Variants in PSPH observed in about 807,000 individuals in gnomAD.
The protein encoded by PSPH is phosphoserine phosphatase, also known as L-3-phosphoserine phosphatase.
PSPH carries 16 observed loss-of-function variants against 23.4 expected under a neutral mutation model. The ratio of observed to expected loss-of-function variants is 0.68; its 90% CI spans 0.46 to 1.04. PSPH has a LOEUF of 1.04. PSPH is among the 50% of genes least tolerant of loss of function. The pLI is 0.00. For missense variants in PSPH, 223 were observed against 273.7 expected (o/e 0.81, Z 1.31); for synonymous variants, 68 against 99.7 (o/e 0.68, Z 1.89).
intron 3 of PSPH, 91 bp downstream of exon 3, chr7:56,031,838 T>G (rs963082971): frequency 1.5e-4 from 23 of 153,366 alleles, no homozygotes; most frequent in African/African-American, 5.6e-4. Flanking sequence ...TGCTAGCAGA[T>G]AGACAAACGT....
At chr7:56,013,044 T>C (rs188317434) in intron 7 of PSPH, among the ~76,000 whole-genome samples, 6 of 149,968 alleles carry the variant, frequency 4.0e-5, no homozygotes, top group South Asian at 2.1e-4. Flanking sequence ...TGTATATATA[T>C]ACACACATAT....
In PSPH at chr7:56,033,510, A is replaced by G. The variant is rs1293499821; in HGVS notation, c.-146+451T>C. The G allele has an allele frequency of 4.6e-5, 7 of 150,910 alleles. No homozygotes were observed. The East Asian group carries it at 1.2e-3, about 25-fold the overall frequency. 9.3% of individuals were successfully genotyped at this position (150,910 alleles called of 1,614,324 possible). ...GAGACTCTGTCTGAAAAAAAAAAAA[A>G]TAAATAAAAATAAAAAAAGAAAAGA... On this transcript the variant is annotated intron_variant, in intron 2 of 7. Coordinates refer to ENST00000275605, the MANE Select transcript of PSPH (RefSeq NM_004577.4).
intron 1 of PSPH, among the ~76,000 whole-genome samples, chr7:56,046,357 C>T (rs1385284973): frequency 2.6e-5 from 4 of 151,644 alleles, no homozygotes; most frequent in African/African-American, 9.7e-5. Flanking sequence ...AGGCTGGTCT[C>T]GAACTCCTGA....
chr7:56,042,656 GA>G (rs35744032), intron 1 of PSPH, among the ~76,000 whole-genome samples: 2,140 of 107,182 alleles, frequency 0.02, 24 homozygotes, highest in East Asian at 0.051. Context: ...GTCTCAGAAG[GA>G]AAAAAAAAAA....
At chr7:56,028,895 T>C (rs112316607) in intron 3 of PSPH, among the ~76,000 whole-genome samples, 3 of 152,212 alleles carry the variant, frequency 2.0e-5, no homozygotes, top group African/African-American at 7.2e-5. Flanking sequence ...CTTGGCTCAC[T>C]GCAACCTCCG....
chr7:56,026,952 T>C (rs1164965452), intron 3 of PSPH, among the ~76,000 whole-genome samples: 2 of 152,016 alleles, frequency 1.3e-5, no homozygotes, highest in African/African-American at 2.4e-5. Context: ...ATGCCTGTAA[T>C]CCCAGCACTT....
chr7:56,020,701 C>T (rs761429908), intron 4 of PSPH, among the ~76,000 whole-genome samples: 16 of 146,998 alleles, frequency 1.1e-4, no homozygotes, highest in Non-Finnish European at 2.3e-4. Context: ...AGCTGCAGGG[C>T]GGGAGGGCAG....
chr7:56,024,707 C>T (rs1248999257), intron 3 of PSPH, among the ~76,000 whole-genome samples: 1 of 151,816 alleles, frequency 6.6e-6, no homozygotes, highest in South Asian at 2.1e-4. Flanking sequence ...ATGACCATGA[C>T]ACTGCACTGC....
intron 3 of PSPH, among the ~76,000 whole-genome samples, chr7:56,029,957 C>T (rs558952016): frequency 1.7e-4 from 22 of 130,682 alleles, no homozygotes; most frequent in Middle Eastern, 4.8e-3. Flanking sequence ...CTAGCCTGGG[C>T]GACAGAGCGA....
intron 1 of PSPH, among the ~76,000 whole-genome samples, chr7:56,036,604 G>T (rs1471908876): frequency 1.3e-5 from 2 of 151,296 alleles, no homozygotes; most frequent in African/African-American, 2.4e-5. Flanking sequence ...ACTCCAGTCT[G>T]GGTAACAGAG....
chr7:56,017,539 A>C (rs980307918), intron 5 of PSPH, among the ~76,000 whole-genome samples, 160 bp from the exon 6 acceptor site: 1 of 149,950 alleles, frequency 6.7e-6, no homozygotes, highest in Non-Finnish European at 1.5e-5. Flanking sequence ...TTAATGTTTT[A>C]TATATGTTTT....
At chr7:56,016,003 A>T (rs1788503900) in intron 6 of PSPH, among the ~76,000 whole-genome samples, 1 of 152,096 alleles carries the variant, frequency 6.6e-6, no homozygotes. Context: ...GTCACCCAAG[A>T]GGAAATTCCA....
intron 1 of PSPH, among the ~76,000 whole-genome samples, chr7:56,043,879 A>G (rs1477056242): frequency 6.6e-6 from 1 of 152,136 alleles, no homozygotes; most frequent in Non-Finnish European, 1.5e-5. Context: ...GTTTTAAAAC[A>G]AGCCAAGCCA....
intron 2 of PSPH, among the ~76,000 whole-genome samples, chr7:56,032,539 A>G (rs775768505): frequency 1.5e-4 from 23 of 150,056 alleles, no homozygotes; most frequent in Non-Finnish European, 3.0e-4. Flanking sequence ...GGGCACCTGT[A>G]GTCCCAGCTA....
At chr7:56,039,794 T>TA (rs1792255992) in intron 1 of PSPH, among the ~76,000 whole-genome samples, 9 of 107,538 alleles carry the variant, frequency 8.4e-5, no homozygotes, top group African/African-American at 3.1e-4. Context: ...AAAAAAAAAA[T>TA]TAAAAAAAAA....
rs902497167 is a variant in PSPH, at chr7:56,020,949, T to C, written c.140+124A>G. 1.9e-4 allele frequency: 216 copies of C among 1,110,226 alleles called. 4 individuals carry two copies. The South Asian group carries it at 2.0e-3, about 10-fold the overall frequency. The allele number at this position is 1,110,226 out of a possible 1,614,324, so 68.8% of individuals were successfully genotyped here. ...AATGAATGAATATGTCAAATTCAGC[T>C]CTAAGGAATGAAAGAAAAAGCCTAG... On this transcript the variant is annotated intron_variant, in intron 4 of 7. Transcript: ENST00000275605.
At chr7:56,033,432 A>C (rs1331780231) in intron 2 of PSPH, 6 of 151,060 alleles carry the variant, frequency 4.0e-5, no homozygotes, top group Admixed American at 2.0e-4. Flanking sequence ...CTGTAGGCGG[A>C]GGTTGAAGTG....
intron 1 of PSPH, among the ~76,000 whole-genome samples, chr7:56,041,803 A>T (rs2117107629): frequency 6.6e-6 from 1 of 152,148 alleles, no homozygotes; most frequent in South Asian, 2.1e-4. Flanking sequence ...GCATGCCTGC[A>T]ATCCCAGCTA....
At chr7:56,017,493 C>T in intron 5 of PSPH, 114 bp from the exon 6 acceptor site, 1 of 1,525,806 alleles carries the variant, frequency 6.6e-7, no homozygotes. Context: ...ATGCATTTGC[C>T]TGAGGTATGT....
Sources: gnomAD v4.1 joint callset for allele counts (sites outside exome capture counted in the v4.1 genomes callset) on GRCh38, gnomAD v4.1.1 for gene constraint, MANE v1.5 for transcripts, NCBI Gene and HGNC (gene_info 2026-07-23, HGNC 2026-07-21) for gene names.